NALF1: variants seen among roughly 807,000 people sequenced by gnomAD.
NALF1 encodes family with sequence similarity 155 member A.
NALF1 carries 3 observed loss-of-function variants against 48.4 expected under a neutral mutation model. The observed-to-expected ratio is 0.06, with a 90% CI of 0.03 to 0.16. The LOEUF is 0.16. Ranked by LOEUF, NALF1 falls within the 10% of genes least tolerant of loss-of-function variation. NALF1 has a pLI of 1.00. For missense variants in NALF1, 526 were observed against 571.5 expected (o/e 0.92, Z 0.81); for synonymous variants, 262 against 245.7 (o/e 1.07, Z -0.62).
At chr13:107,615,910 G>A (rs1879365991) in intron 1 of NALF1, among the ~76,000 whole-genome samples, 1 of 152,086 alleles carries the variant, frequency 6.6e-6, no homozygotes, top group African/African-American at 2.4e-5. Flanking sequence ...CTAGTTAAAA[G>A]CCTTATGGTA....
intron 1 of NALF1, among the ~76,000 whole-genome samples, chr13:107,612,875 T>A (rs1267104065): frequency 1.3e-5 from 2 of 152,146 alleles, no homozygotes; most frequent in Non-Finnish European, 2.9e-5. Context: ...GATAACTATT[T>A]GTCTATCTAA....
At chr13:107,684,150 C>A (rs113700856) in intron 1 of NALF1, among the ~76,000 whole-genome samples, 2 of 152,318 alleles carry the variant, frequency 1.3e-5, no homozygotes, top group African/African-American at 4.8e-5. Flanking sequence ...CACCTCTCAG[C>A]GCTCTGTTTT....
In NALF1 at chr13:107,487,427, T is replaced by C. The variant is rs574718354; in HGVS notation, c.916-276672A>G. On this transcript the variant is annotated intron_variant, in intron 1 of 2. Transcript: ENST00000375915. Reference sequence around the variant, plus strand: ...TTTTGTTTTAAAAAATGGGGATTTATAACCAACAGTTTGAAAACTTTGATT... The same window carrying C: ...TTTTGTTTTAAAAAATGGGGATTTACAACCAACAGTTTGAAAACTTTGATT... Among the ~76,000 whole-genome samples the C allele has an allele frequency of 3.3e-5, 5 of 152,280 alleles. No homozygotes were observed. The South Asian group carries it at 1.0e-3, about 32-fold the overall frequency.
intron 1 of NALF1, among the ~76,000 whole-genome samples, chr13:107,774,106 GAGA>G (rs1224244226): frequency 6.6e-6 from 1 of 152,144 alleles, no homozygotes; most frequent in East Asian, 1.9e-4. Context: ...TTATGAAGGT[GAGA>G]AGAACAGTTA....
chr13:107,826,855 G>A (rs1702288758), intron 1 of NALF1, among the ~76,000 whole-genome samples: 2 of 152,138 alleles, frequency 1.3e-5, no homozygotes. Context: ...AGGCATCATT[G>A]GCCTCAAAGG....
At chr13:107,433,350 T>C (rs1277834305) in intron 1 of NALF1, among the ~76,000 whole-genome samples, 2 of 152,206 alleles carry the variant, frequency 1.3e-5, no homozygotes, top group Non-Finnish European at 2.9e-5. Context: ...TCTTCTAAAA[T>C]AAATCAATTT....
At position 107,200,923 on chromosome 13, in the gene NALF1, C is replaced by T. The variant is rs996424853; in HGVS notation, c.1087+9661G>A. Reference sequence around the variant, plus strand: ...TACTCATTGGTGGCATCAGACGTAACTCTGAGGTTGAACCTTAAGGACCCT... The same window carrying T: ...TACTCATTGGTGGCATCAGACGTAATTCTGAGGTTGAACCTTAAGGACCCT... On this transcript the variant is annotated intron_variant, in intron 2 of 2. Transcript: ENST00000375915. Among the ~76,000 whole-genome samples, 3 of 152,172 alleles carry T rather than the reference C, an allele frequency of 2.0e-5. No homozygotes were observed. The South Asian group carries it at 6.2e-4, about 32-fold the overall frequency.
intron 1 of NALF1, among the ~76,000 whole-genome samples, chr13:107,460,902 T>C (rs1566351794): frequency 6.6e-6 from 1 of 152,154 alleles, no homozygotes; most frequent in Non-Finnish European, 1.5e-5. Context: ...GTATTAGAGG[T>C]GAATAAAAGA....
At chr13:107,496,497 A>G (rs1381020742) in intron 1 of NALF1, among the ~76,000 whole-genome samples, 2 of 152,146 alleles carry the variant, frequency 1.3e-5, no homozygotes, top group African/African-American at 2.4e-5. Flanking sequence ...AAGCAGTGCC[A>G]TGAGTGTCTG....
chr13:107,284,609 C>G (rs2147451), intron 1 of NALF1, among the ~76,000 whole-genome samples: 18,260 of 152,106 alleles, frequency 0.12, 1,634 homozygotes, highest in East Asian at 0.34. Context: ...GAAGCCCTAA[C>G]TCCAATGTGA....
intron 1 of NALF1, among the ~76,000 whole-genome samples, chr13:107,792,836 G>T (rs756746227): frequency 6.6e-6 from 1 of 152,064 alleles, no homozygotes; most frequent in South Asian, 2.1e-4. Context: ...TAGACACAGG[G>T]TCTCACTCTG....
chr13:107,442,042 G>T (rs1219104950), intron 1 of NALF1, among the ~76,000 whole-genome samples: 1 of 152,200 alleles, frequency 6.6e-6, no homozygotes, highest in Non-Finnish European at 1.5e-5. Context: ...AAATAGGATG[G>T]ATTGCCCCAA....
intron 1 of NALF1, among the ~76,000 whole-genome samples, chr13:107,501,066 A>G (rs1428882256): frequency 6.6e-6 from 1 of 152,072 alleles, no homozygotes; most frequent in East Asian, 1.9e-4. Flanking sequence ...ACTAACCTGC[A>G]CATTGTGCAC....
At chr13:107,655,247 A>G (rs561612508) in intron 1 of NALF1, among the ~76,000 whole-genome samples, 2 of 151,988 alleles carry the variant, frequency 1.3e-5, no homozygotes, top group Non-Finnish European at 2.9e-5. Flanking sequence ...TACCTAGAAA[A>G]CCCTAAAGAC....
At chr13:107,555,439 A>ATTTTTTTTTTTTTTTTTTTTTT (rs34486058) in intron 1 of NALF1, among the ~76,000 whole-genome samples, 1 of 69,958 alleles carries the variant, frequency 1.4e-5, no homozygotes, top group African/African-American at 5.5e-5. Context: ...AGCCTGGCTA[A>ATTTTTTTTTTTTTTTTTTTTTT]TTTTTTTTTT....
intron 1 of NALF1, among the ~76,000 whole-genome samples, chr13:107,716,680 C>A (rs1283013114): frequency 6.6e-6 from 1 of 152,134 alleles, no homozygotes; most frequent in Non-Finnish European, 1.5e-5. Context: ...TATTTAAACA[C>A]AGGATTTTTC....
intron 1 of NALF1, among the ~76,000 whole-genome samples, chr13:107,230,221 C>T (rs140467359): frequency 0.027 from 4,138 of 151,908 alleles, 81 homozygotes; most frequent in Non-Finnish European, 0.038. Context: ...ATTTTTGGTC[C>T]ATAAAAATGG....
intron 1 of NALF1, among the ~76,000 whole-genome samples, chr13:107,746,485 T>C (rs142059883): frequency 6.4e-4 from 98 of 152,324 alleles, no homozygotes; most frequent in African/African-American, 2.3e-3. Context: ...TTTTCACTGT[T>C]TAGTACTCTG....
At chr13:107,312,317 C>G (rs1032027311) in intron 1 of NALF1, among the ~76,000 whole-genome samples, 1 of 151,820 alleles carries the variant, frequency 6.6e-6, no homozygotes, top group Non-Finnish European at 1.5e-5. Flanking sequence ...CAAACGATCA[C>G]GAGGTCAAAA....
Sources: allele counts gnomAD v4.1 joint callset (sites outside exome capture counted in the v4.1 genomes callset), GRCh38; gene constraint gnomAD v4.1.1; transcripts MANE v1.5; gene names NCBI Gene and HGNC (gene_info 2026-07-23, HGNC 2026-07-21).